Variants in CDC42BPA observed in about 807,000 individuals in gnomAD.
CDC42BPA encodes the protein serine/threonine-protein kinase MRCK alpha.
A neutral mutation model predicts 223.5 loss-of-function variants in CDC42BPA; 80 were observed. The ratio of observed to expected loss-of-function variants is 0.36; its 90% confidence interval spans 0.30 to 0.43. The LOEUF (loss-of-function observed/expected upper bound fraction) is 0.43, where lower values mean the gene tolerates loss of function less well. CDC42BPA is among the 20% of genes least tolerant of loss of function. The pLI, the probability that CDC42BPA is intolerant of heterozygous loss-of-function variation, is 1.00. For synonymous variants in CDC42BPA, 694 were observed against 718.6 expected (o/e 0.97, Z 0.55); for missense variants, 1,743 against 2,099.9 (o/e 0.83, Z 3.32).
chr1:227,076,385 T>C (rs1457423957), intron 17 of CDC42BPA, among the ~76,000 whole-genome samples: 21 of 152,168 alleles, frequency 1.4e-4, no homozygotes, highest in Admixed American at 1.4e-3. Context: ...GCCTCCCTAG[T>C]AGCTGGGATT....
chr1:227,087,460 A>T (rs1187736565), intron 16 of CDC42BPA, among the ~76,000 whole-genome samples: 1 of 152,234 alleles, frequency 6.6e-6, no homozygotes, highest in Admixed American at 6.5e-5. Flanking sequence ...AAAATTACAT[A>T]GTGTTAATCC....
intron 10 of CDC42BPA, among the ~76,000 whole-genome samples, chr1:227,132,717 G>C (rs1450922498): frequency 6.6e-6 from 1 of 151,628 alleles, no homozygotes; most frequent in African/African-American, 2.4e-5. Context: ...ATCCCATCTA[G>C]GAAGTGAGGA....
At chr1:227,165,384 C>T (rs73086786) in intron 5 of CDC42BPA, among the ~76,000 whole-genome samples, 101 of 152,314 alleles carry the variant, frequency 6.6e-4, no homozygotes, top group African/African-American at 2.4e-3. Flanking sequence ...TGACTTGATA[C>T]ATGATTTGAT....
chr1:227,256,816 AAAG>A (rs1175195866), intron 1 of CDC42BPA, among the ~76,000 whole-genome samples: 5 of 152,120 alleles, frequency 3.3e-5, no homozygotes, highest in African/African-American at 4.8e-5. Flanking sequence ...AAGAGAATCA[AAAG>A]AAGAGATTCA....
intron 1 of CDC42BPA, among the ~76,000 whole-genome samples, chr1:227,254,940 G>A (rs1046113381): frequency 1.3e-5 from 2 of 152,106 alleles, no homozygotes; most frequent in Non-Finnish European, 2.9e-5. Context: ...AGAGAGGCGA[G>A]GAAGTGAATT....
At chr1:227,263,582 ATT>A (rs34757020) in intron 1 of CDC42BPA, among the ~76,000 whole-genome samples, 122 of 135,094 alleles carry the variant, frequency 9.0e-4, no homozygotes, top group Middle Eastern at 3.8e-3. Flanking sequence ...TTGAGAATCA[ATT>A]TTTTTTTTTT....
At chr1:227,023,438 A>C (rs1249835072) in intron 31 of CDC42BPA, 91 bp from the exon 32 acceptor site, 1 of 594,172 alleles carries the variant, frequency 1.7e-6, no homozygotes, top group African/African-American at 1.9e-5. Flanking sequence ...CACCTTATTA[A>C]GACTTCTCAT....
rs1403699104 is a variant in CDC42BPA at position 227,300,286 on chromosome 1, AC to A, written c.178+16718del. ...TTTTTAAAGAACTAAAAGTATATCT[AC>A]CATTTGATCCAGCAATCCCACTGCT... On this transcript the variant is annotated intron_variant, in intron 1 of 36. Transcript: ENST00000366766. Among the ~76,000 whole-genome samples the A allele has an allele frequency of 5.3e-5, 8 of 152,310 alleles. 1 individual carries two copies. The East Asian group carries it at 1.5e-3, about 29-fold the overall frequency.
chr1:227,256,938 TATATATACAGACACACACAC>T (rs1443738844), intron 1 of CDC42BPA, among the ~76,000 whole-genome samples: 1 of 119,976 alleles, frequency 8.3e-6, no homozygotes, highest in Non-Finnish European at 1.7e-5. Context: ...AAATGTGATA[TATATATACAGACACACACAC>T]ACACACACAC....
At position 227,253,659 on chromosome 1, in the gene CDC42BPA, A is replaced by C. The variant is rs75582817; in HGVS notation, c.270+405T>G. ...ACATACATACATACATTCATACATA[A>C]AATAAAATACTATGAAAATATCAGG... On this transcript the variant is annotated intron_variant, in intron 2 of 36. Coordinates refer to ENST00000366766, the MANE Select transcript of CDC42BPA (RefSeq NM_001394014.1). Among the ~76,000 whole-genome samples the C allele has an allele frequency of 3.0e-3, 400 of 134,518 alleles. 4 individuals carry two copies. The highest frequency in any genetic ancestry group is 0.013 in the African/African-American group (377 of 28,608). The allele number at this position is 134,518 out of a possible 152,430, so 88.2% of individuals were successfully genotyped here.
intron 1 of CDC42BPA, among the ~76,000 whole-genome samples, chr1:227,314,608 C>G (rs1261439104): frequency 6.6e-6 from 1 of 151,984 alleles, no homozygotes; most frequent in African/African-American, 2.4e-5. Context: ...CGGTAAGAAT[C>G]TTGGCTGACT....
chr1:227,000,683 T>C (rs1288854440), intron 35 of CDC42BPA, among the ~76,000 whole-genome samples: 1 of 152,172 alleles, frequency 6.6e-6, no homozygotes, highest in Non-Finnish European at 1.5e-5. Flanking sequence ...CCTCCCTCCT[T>C]CCTAGTGATC....
rs1680809836 is a variant in CDC42BPA, at chr1:227,245,635, A to AG, written c.270+8428_270+8429insC. Among the ~76,000 whole-genome samples, 4 of 152,230 alleles carry AG rather than the reference A, an allele frequency of 2.6e-5. No homozygotes were observed. The South Asian group carries it at 8.3e-4, about 32-fold the overall frequency. On this transcript the variant is annotated intron_variant, in intron 2 of 36. Coordinates refer to ENST00000366766, the MANE Select transcript of CDC42BPA (RefSeq NM_001394014.1). ...TGGATACTAGCTCAGCCACACTAGA[A>AG]CAGAGCACCAGGCAGAGCCATGAGG... is the stretch of plus-strand genomic sequence containing the variant.
chr1:227,059,944 G>C (rs1225369538), intron 21 of CDC42BPA, among the ~76,000 whole-genome samples: 1 of 151,336 alleles, frequency 6.6e-6, no homozygotes, highest in Non-Finnish European at 1.5e-5. Flanking sequence ...TTCAGCCATA[G>C]TCAAAAGAGG....
At chr1:227,196,090 G>T (rs1241151058) in intron 4 of CDC42BPA, among the ~76,000 whole-genome samples, 1 of 142,362 alleles carries the variant, frequency 7.0e-6, no homozygotes, top group African/African-American at 2.8e-5. Flanking sequence ...GGCAGCTTTG[G>T]GGATTTTTTT....
intron 23 of CDC42BPA, among the ~76,000 whole-genome samples, chr1:227,040,480 A>G (rs1671149577): frequency 3.9e-5 from 6 of 152,222 alleles, no homozygotes; most frequent in Admixed American, 3.9e-4. Flanking sequence ...CCATTTTAAA[A>G]GTATATAAAA....
chr1:227,302,945 T>C lies in CDC42BPA; in HGVS notation c.178+14060A>G, dbSNP rs143180120. On this transcript the variant is annotated intron_variant, in intron 1 of 36. Transcript: ENST00000366766. The stretch of plus-strand genomic sequence containing the variant: ...TTTTTATGGCATCCTGACTTCATGA[T>C]TGCAGGATTTTCTCTCATCTCTGGA... Among the ~76,000 whole-genome samples, 392 of 152,144 alleles carry C rather than the reference T, an allele frequency of 2.6e-3. 2 individuals carry two copies. Among genetic ancestry groups the C allele is most frequent in the Non-Finnish European group, 3.4e-3 (232 of 67,982 alleles).
chr1:227,247,894 T>C (rs918324007), intron 2 of CDC42BPA, among the ~76,000 whole-genome samples: 5 of 151,804 alleles, frequency 3.3e-5, no homozygotes, highest in African/African-American at 9.7e-5. Context: ...AATAAATAAA[T>C]AAACAAACAA....
chr1:227,260,100 G>A (rs1683791166), intron 1 of CDC42BPA, among the ~76,000 whole-genome samples: 1 of 150,182 alleles, frequency 6.7e-6, no homozygotes, highest in South Asian at 2.1e-4. Flanking sequence ...CTAGTAAGTG[G>A]CAAAGACAGG....
Sources: allele counts gnomAD v4.1 joint callset (sites outside exome capture counted in the v4.1 genomes callset), GRCh38; gene constraint gnomAD v4.1.1; transcripts MANE v1.5; gene names NCBI Gene and HGNC (gene_info 2026-07-23, HGNC 2026-07-21).